Variants in CTDP1 observed in about 807,000 individuals in gnomAD.
CTDP1 encodes CTD phosphatase 1.
CTDP1 carries 47 observed loss-of-function variants against 91.8 expected under a neutral mutation model. That is an observed-to-expected ratio of 0.51 (90% CI 0.41 to 0.65). The LOEUF (loss-of-function observed/expected upper bound fraction) is 0.65. CTDP1 is among the 30% of genes least tolerant of loss of function. The probability of loss-of-function intolerance (pLI) is 0.00; values close to 1 mark genes in which losing one functional copy is unlikely to be tolerated. For missense variants in CTDP1, 1,272 were observed against 1,373.7 expected, an observed-to-expected ratio of 0.93 and a Z score of 1.17; for synonymous variants, 656 against 598.5, an observed-to-expected ratio of 1.10 and a Z score of -1.40.
chr18:79,747,380 C>A (rs1272982196), intron 12 of CTDP1, among the ~76,000 whole-genome samples: 1 of 152,236 alleles, frequency 6.6e-6, no homozygotes, highest in African/African-American at 2.4e-5. Flanking sequence ...CCCGCTGGGG[C>A]CCTGCGGGAA....
intron 5 of CTDP1, among the ~76,000 whole-genome samples, chr18:79,707,464 C>T (rs1368794621): frequency 6.6e-6 from 1 of 152,250 alleles, no homozygotes; most frequent in Non-Finnish European, 1.5e-5. Context: ...GAGCGCGGGT[C>T]CTCCTGCAGT....
intron 1 of CTDP1, among the ~76,000 whole-genome samples, chr18:79,692,773 T>A (rs2085651751): frequency 6.6e-6 from 1 of 151,162 alleles, no homozygotes; most frequent in Non-Finnish European, 1.5e-5. Context: ...GGGCAGGGGG[T>A]AGAATGAGGA....
chr18:79,715,473 G>A lies in CTDP1; in HGVS notation c.2013G>A (p.Leu671=). ...TALGAKILTR[L]VLSPDAPDRA... ...TGGGAGCGAAGATCCTCACTCGGCTGGTGCTGAGCCCCGACGCCCCTGACA... is the reference window on the plus strand; with the variant it reads ...TGGGAGCGAAGATCCTCACTCGGCTAGTGCTGAGCCCCGACGCCCCTGACA... Residue 671 remains leucine, a synonymous_variant, in exon 8 of 13, where the codon CTG becomes CTA. Transcript: ENST00000613122. The A allele has an allele frequency of 6.3e-7, 1 of 1,583,042 alleles. No individual in the cohort carries two copies. Among genetic ancestry groups the A allele is most frequent in the East Asian group, 2.3e-5 (1 of 43,330 alleles).
chr18:79,707,042 G>A (rs74520874), intron 5 of CTDP1, among the ~76,000 whole-genome samples: 5 of 152,356 alleles, frequency 3.3e-5, no homozygotes, highest in Non-Finnish European at 7.3e-5. Flanking sequence ...TGTTTCACAC[G>A]TCTTGCTTAT....
chr18:79,704,686 C>A, intron 4 of CTDP1, 81 bp from the exon 5 acceptor site: 1 of 1,571,860 alleles, frequency 6.4e-7, no homozygotes, highest in African/African-American at 1.3e-5. Flanking sequence ...TCTCAGGATG[C>A]CTGTCTCGGG....
At chr18:79,679,331 G>T (rs1055174656), upstream of CTDP1, 26 of 439,642 alleles carry the variant, frequency 5.9e-5, no homozygotes, top group South Asian at 4.1e-4. Context: ...ACAGCCTCAC[G>T]TCTCTGGGCC....
Position 79,710,349 on chromosome 18 carries a change from T to C in CTDP1, c.776T>C (p.Phe259Ser). 6.2e-7 allele frequency: 1 copy of C among 1,613,474 alleles called. No homozygotes were observed. The highest frequency in any genetic ancestry group is 8.5e-7 in the Non-Finnish European group (1 of 1,179,538). ...TTGTCCTGTTTTCTTTTCCAAGGCT[T>C]TTTAGACCCCGAGAAGAAGCTTTTT... is the stretch of plus-strand genomic sequence containing the variant. ...SRLYAHTIAG[F>S]LDPEKKLFSH... is the part of the protein sequence containing the mutation. Residue 259 changes from phenylalanine to serine, a missense_variant, in exon 6 of 13, where the codon TTT becomes TCT. Coordinates refer to ENST00000613122, the MANE Select transcript of CTDP1 (RefSeq NM_004715.5).
intron 2 of CTDP1, 142 bp from the exon 3 acceptor site, chr18:79,695,834 GT>G: frequency 1.4e-6 from 1 of 739,140 alleles, no homozygotes; most frequent in Non-Finnish European, 2.4e-6. Context: ...ATGTTTCCAC[GT>G]TTGCCGACAG....
At chr18:79,710,622 G>A (rs1282020255) in intron 6 of CTDP1, among the ~76,000 whole-genome samples, 186 bp downstream of exon 6, 7 of 149,780 alleles carry the variant, frequency 4.7e-5, no homozygotes, top group African/African-American at 4.9e-5. Context: ...CAGAGTTCAC[G>A]CCATTCTCCT....
rs568390527 is a variant in CTDP1, at chr18:79,711,314, G to A, written c.863+878G>A. 6.3e-4 allele frequency among the ~76,000 whole-genome samples: 96 copies of A among 152,276 alleles called. 2 individuals are homozygous for A. The highest frequency in any genetic ancestry group is 6.0e-3 in the South Asian group (29 of 4,830). On this transcript the variant is annotated intron_variant, in intron 6 of 12. Coordinates refer to ENST00000613122, the MANE Select transcript of CTDP1 (RefSeq NM_004715.5). ...CATTCCTATGCGAAGACCTGGCATC[G>A]AGATTTGTGGTTGGAGAGGCAGGAG...
At chr18:79,743,934 A>G (rs546855846) in intron 12 of CTDP1, among the ~76,000 whole-genome samples, 63 of 151,754 alleles carry the variant, frequency 4.2e-4, no homozygotes, top group African/African-American at 1.4e-3. Flanking sequence ...GTTCTATCCA[A>G]CCTCCCGCCC....
At position 79,715,329 on chromosome 18, in the gene CTDP1, C is replaced by T. The variant is rs1474531461; in HGVS notation, c.1869C>T (p.Arg623=). The change falls in exon 8 of 13, where the codon CGC becomes CGT. Residue 623 remains arginine (R), a synonymous_variant. Transcript: ENST00000613122. Reference sequence around the variant, plus strand: ...AGATCGAGGAGGCGCCGGACATCCGCAAGATCGTGCCGGAGCTCAAGAGCA... The same window carrying T: ...AGATCGAGGAGGCGCCGGACATCCGTAAGATCGTGCCGGAGCTCAAGAGCA... ...NKEIEEAPDI[R]KIVPELKSKV... 1.2e-6 allele frequency: 2 copies of T among 1,609,018 alleles called. No individual in the cohort carries two copies. The highest frequency in any genetic ancestry group is 1.7e-6 in the Non-Finnish European group (2 of 1,177,598).
At chr18:79,682,661 T>G (rs2085399417) in intron 1 of CTDP1, among the ~76,000 whole-genome samples, 1 of 152,204 alleles carries the variant, frequency 6.6e-6, no homozygotes, top group African/African-American at 2.4e-5. Flanking sequence ...CCAGCCTGTT[T>G]ATACAGAGCG....
chr18:79,736,856 CGT>C (rs1406867268), intron 12 of CTDP1, among the ~76,000 whole-genome samples: 7 of 140,778 alleles, frequency 5.0e-5, no homozygotes, highest in African/African-American at 8.0e-5. Flanking sequence ...TGTCTACAGG[CGT>C]GTGTGAGGTA....
intron 5 of CTDP1, among the ~76,000 whole-genome samples, chr18:79,705,821 C>T (rs1434899362): frequency 6.6e-6 from 1 of 152,158 alleles, no homozygotes; most frequent in Non-Finnish European, 1.5e-5. Context: ...TATTTAGTGC[C>T]TTTATAGGAA....
intron 11 of CTDP1, among the ~76,000 whole-genome samples, chr18:79,732,499 A>G (rs1206541309): frequency 9.7e-6 from 1 of 103,034 alleles, no homozygotes; most frequent in East Asian, 3.2e-4. Flanking sequence ...TCACATCAGG[A>G]GTGCTCCCAA....
At chr18:79,679,399 G>C (rs1348511516), upstream of CTDP1, 2 of 455,788 alleles carry the variant, frequency 4.4e-6, no homozygotes, top group South Asian at 3.1e-5. Context: ...CTCACAGTGC[G>C]CGATGGGAGT....
intron 11 of CTDP1, among the ~76,000 whole-genome samples, chr18:79,730,525 C>G (rs1009425976): frequency 3.3e-5 from 5 of 152,146 alleles, no homozygotes; most frequent in African/African-American, 9.7e-5. Context: ...TTCAGCCACC[C>G]CAAAACCTAA....
chr18:79,745,063 C>G (rs1366867288), intron 12 of CTDP1, among the ~76,000 whole-genome samples: 1 of 152,180 alleles, frequency 6.6e-6, no homozygotes, highest in Non-Finnish European at 1.5e-5. Flanking sequence ...CTTGTGGGTC[C>G]TGAGAGTGGG....
Sources: allele counts gnomAD v4.1 joint callset (sites outside exome capture counted in the v4.1 genomes callset), GRCh38; gene constraint gnomAD v4.1.1; transcripts MANE v1.5; gene names NCBI Gene and HGNC (gene_info 2026-07-23, HGNC 2026-07-21).